Variants in KLHL9 observed in about 807,000 individuals in gnomAD.
KLHL9 encodes the protein kelch-like protein 9.
A neutral mutation model predicts 42.3 loss-of-function variants in KLHL9; 27 were observed. That is an observed-to-expected ratio of 0.64 (90% CI 0.47 to 0.88). The LOEUF (loss-of-function observed/expected upper bound fraction) is 0.88. Ranked by LOEUF, KLHL9 falls within the 40% of genes least tolerant of loss-of-function variation. The pLI, the probability that KLHL9 is intolerant of heterozygous loss-of-function variation, is 0.00. For missense variants in KLHL9, 629 were observed against 750.3 expected (o/e 0.84, Z 1.89); for synonymous variants, 274 against 254.4 (o/e 1.08, Z -0.73).
chr9:21,332,936 T>A lies in KLHL9; in HGVS notation c.*70A>T. Reference sequence around the variant, plus strand: ...TATCTAATAACTGTACCAATCACTGTAAGAAGATACAACTGAAGGGGAAGT... The same window carrying A: ...TATCTAATAACTGTACCAATCACTGAAAGAAGATACAACTGAAGGGGAAGT... On this transcript the variant is annotated 3_prime_UTR_variant, in exon 1 of 1. Coordinates refer to ENST00000359039, the MANE Select transcript of KLHL9 (RefSeq NM_018847.4). 1 of 1,607,320 alleles carries A rather than the reference T, an allele frequency of 6.2e-7. No individual in the cohort carries two copies. Among genetic ancestry groups the A allele is most frequent in the Non-Finnish European group, 8.5e-7 (1 of 1,176,026 alleles).
At position 21,332,966 on chromosome 9, in the gene KLHL9, G is replaced by A. The variant is rs370556194; in HGVS notation, c.*40C>T. 1.2e-6 allele frequency: 2 copies of A among 1,613,334 alleles called. No individual in the cohort carries two copies. The highest frequency in any genetic ancestry group is 1.7e-6 in the Non-Finnish European group (2 of 1,179,520). ...AGATACAACTGAAGGGGAAGTATTA[G>A]ATCACCCATGACGTACTGCAAAGGT... On this transcript the variant is annotated 3_prime_UTR_variant, in exon 1 of 1. Transcript: ENST00000359039.
rs1820197681 is a variant in KLHL9 at position 21,332,872 on chromosome 9, C to T, written c.*134G>A. 3.0e-6 allele frequency: 4 copies of T among 1,351,996 alleles called. No individual in the cohort carries two copies. Among genetic ancestry groups the T allele is most frequent in the South Asian group, 3.0e-5 (2 of 66,346 alleles). The allele number at this position is 1,351,996 out of a possible 1,614,324, so 83.7% of individuals were successfully genotyped here. ...ATTTGTTAGCCACTTGATAAACATA[C>T]TAAAAGCCATACAAGACGAATAACA... On this transcript the variant is annotated 3_prime_UTR_variant, in exon 1 of 1. Coordinates refer to ENST00000359039, the MANE Select transcript of KLHL9 (RefSeq NM_018847.4).
rs772759819 is a variant in KLHL9, at chr9:21,334,041, A to G, written c.819T>C (p.Ala273=). ...DNTCVNLLLE[A]SNYQMMPYMQ... is the part of the protein sequence containing the mutation. Reference sequence around the variant, plus strand: ...TATATGGCATCATTTGGTAATTGCTAGCTTCCAAAAGCAAATTCACGCAGG... The same window carrying G: ...TATATGGCATCATTTGGTAATTGCTGGCTTCCAAAAGCAAATTCACGCAGG... The change falls in exon 1 of 1, where the codon GCT becomes GCC. Residue 273 remains alanine, a synonymous_variant. Coordinates refer to ENST00000359039, the MANE Select transcript of KLHL9 (RefSeq NM_018847.4). The surrounding 1 kb of genome is among the most constrained non-coding windows in gnomAD (Gnocchi z 5.1). 6.2e-7 allele frequency: 1 copy of G among 1,614,236 alleles called. No homozygotes were observed. The highest frequency in any genetic ancestry group is 1.7e-5 in the Admixed American group (1 of 60,030).
Position 21,333,754 on chromosome 9 carries a change from A to T in KLHL9, c.1106T>A (p.Val369Asp). 1 of 1,614,134 alleles carries T rather than the reference A, an allele frequency of 6.2e-7. No individual in the cohort carries two copies. The highest frequency in any genetic ancestry group is 8.5e-7 in the Non-Finnish European group (1 of 1,180,020). ...ATTATACCGAGGATCAAATCTGAAA[A>T]CTGTATCAACAGCAGTTTTTCCTTT... ...DTKGKTAVDT[V>D]FRFDPRYNKW... is the part of the protein sequence containing the mutation. Residue 369 changes from valine to aspartate, a missense_variant, in exon 1 of 1, where the codon GTT becomes GAT. Physicochemically the swap from Val to Asp is radical, Grantham distance 152. Around this residue, in one of 4 missense-constraint regions of KLHL9, gnomAD observed 214 missense variants for 305.8 expected, o/e 0.70. Transcript: ENST00000359039. The surrounding 1 kb of genome is among the most constrained non-coding windows in gnomAD (Gnocchi z 7.5).
chr9:21,334,894 G>A lies in KLHL9; in HGVS notation c.-35C>T. The stretch of plus-strand genomic sequence containing the variant: ...TTCCTCTTGCACAGAGATGCAAGCC[G>A]GATAAAGAAGTTATAACCGGAATGT... On this transcript the variant is annotated 5_prime_UTR_variant, in exon 1 of 1. Coordinates refer to ENST00000359039, the MANE Select transcript of KLHL9 (RefSeq NM_018847.4). The surrounding 1 kb of genome is among the most constrained non-coding windows in gnomAD (Gnocchi z 5.1). 1 of 1,612,884 alleles carries A rather than the reference G, an allele frequency of 6.2e-7. No homozygotes were observed. Among genetic ancestry groups the A allele is most frequent in the Non-Finnish European group, 8.5e-7 (1 of 1,179,730 alleles).
In KLHL9 at chr9:21,334,804, C is replaced by A. The variant is rs536198157; in HGVS notation, c.56G>T (p.Cys19Phe). 1 of 1,613,352 alleles carries A rather than the reference C, an allele frequency of 6.2e-7. No individual in the cohort carries two copies. Among genetic ancestry groups the A allele is most frequent in the African/African-American group, 1.3e-5 (1 of 75,000 alleles). The part of the protein sequence containing the change: ...EMGVSAHLQP[C>F]KAGTTRFFTS... ...AAAAAAGCGTGTGGTTCCTGCCTTA[C>A]AAGGCTGCAAATGGGCAGAGACGCC... is the stretch of plus-strand genomic sequence containing the variant. The change falls in exon 1 of 1, where the codon TGT (cysteine) becomes TTT (phenylalanine). Residue 19 changes from cysteine (C) to phenylalanine (F), a missense_variant. Physicochemically the swap from Cys to Phe is radical, Grantham distance 205 (BLOSUM62 -2). Around this residue, in one of 4 missense-constraint regions of KLHL9, gnomAD observed 351 missense variants for 363.1 expected, o/e 0.97. Coordinates refer to ENST00000359039, the MANE Select transcript of KLHL9 (RefSeq NM_018847.4). This position sits in a 1 kb window ranked among gnomAD's most constrained non-coding sequence, Gnocchi z 5.1.
rs1820150390 is a variant in KLHL9, at chr9:21,330,529, G to A, written c.*2477C>T. ...AAAAATGAGAGGCAGGGTGGGTGAA[G>A]CTGGAGGTGGGGGATGTAGATAGAG... On this transcript the variant is annotated 3_prime_UTR_variant, in exon 1 of 1. Transcript: ENST00000359039. 1 of 152,240 alleles carries A rather than the reference G, an allele frequency of 6.6e-6. No homozygotes were observed. The highest frequency in any genetic ancestry group is 1.5e-5 in the Non-Finnish European group (1 of 68,090). 9.4% of individuals were successfully genotyped at this position (152,240 alleles called of 1,614,324 possible).
rs1820219746 is a variant in KLHL9, at chr9:21,333,972, G to C, written c.888C>G (p.Asp296Glu). 1.2e-6 allele frequency: 2 copies of C among 1,614,156 alleles called. No individual in the cohort carries two copies. The highest frequency in any genetic ancestry group is 1.7e-6 in the Non-Finnish European group (2 of 1,180,032). ...MQSDRTAIRS[D>E]STHLVTLGGV... The stretch of plus-strand genomic sequence containing the variant: ...CTCCTAATGTAACCAAGTGAGTGGA[G>C]TCAGATCGAATGGCAGTTCTATCTG... Residue 296 changes from aspartate to glutamate, a missense_variant, in exon 1 of 1, where the codon GAC (aspartate) becomes GAG (glutamate). Physicochemically the swap from Asp to Glu is conservative, Grantham distance 45. This residue lies in a region of KLHL9 where 351 missense variants were observed against 363.1 expected (regional missense o/e 0.97). Coordinates refer to ENST00000359039, the MANE Select transcript of KLHL9 (RefSeq NM_018847.4). This position sits in a 1 kb window ranked among gnomAD's most constrained non-coding sequence, Gnocchi z 7.5.
At position 21,331,494 on chromosome 9, in the gene KLHL9, T is replaced by TTG. The variant is rs10642262; in HGVS notation, c.*1510_*1511dup. ...CTGACAATCTTCCAGGTATAGGGGG[T>TTG]TGTGTGTGTGTATTACACACACACA... is the stretch of plus-strand genomic sequence containing the variant. On this transcript the variant is annotated 3_prime_UTR_variant, in exon 1 of 1. Transcript: ENST00000359039. 145,576 of 150,830 alleles carry TTG rather than the reference T, an allele frequency of 0.97. 70,244 individuals carry two copies. Among genetic ancestry groups the TTG allele is most frequent in the East Asian group, 1 (5,081 of 5,094 alleles). 9.3% of individuals were successfully genotyped at this position (150,830 alleles called of 1,614,324 possible).
Position 21,334,348 on chromosome 9 carries a change from T to A in KLHL9, c.512A>T (p.Lys171Ile). 1 of 1,613,626 alleles carries A rather than the reference T, an allele frequency of 6.2e-7. No individual in the cohort carries two copies. The highest frequency in any genetic ancestry group is 8.5e-7 in the Non-Finnish European group (1 of 1,179,700). ...CTTCAGGATGAAATTATTAACATAT[T>A]TATCCACTTCTATAAGATTGTAGGT... The part of the protein sequence containing the change: ...ANTYNLIEVD[K>I]YVNNFILKNF... Residue 171 changes from lysine (K) to isoleucine (I), a missense_variant, in exon 1 of 1, where the codon AAA becomes ATA. By Grantham distance (102) the Lys-to-Ile change is moderately radical. Coordinates refer to ENST00000359039, the MANE Select transcript of KLHL9 (RefSeq NM_018847.4). This position sits in a 1 kb window ranked among gnomAD's most constrained non-coding sequence, Gnocchi z 5.1.
chr9:21,333,342 T>A lies in KLHL9; in HGVS notation c.1518A>T (p.Thr506=). 6.2e-7 allele frequency: 1 copy of A among 1,614,230 alleles called. No individual in the cohort carries two copies. The highest frequency in any genetic ancestry group is 8.5e-7 in the Non-Finnish European group (1 of 1,180,042). ...YVIGGNHFRG[T]SDYDDVLSCE... is the part of the protein sequence containing the mutation. ...AGCTTAGAACATCATCATAATCACT[T>A]GTTCCTCTGAAGTGATTGCCACCAA... Residue 506 remains threonine, a synonymous_variant, in exon 1 of 1, where the codon ACA becomes ACT. Coordinates refer to ENST00000359039, the MANE Select transcript of KLHL9 (RefSeq NM_018847.4). The surrounding 1 kb of genome is among the most constrained non-coding windows in gnomAD (Gnocchi z 7.5).
Position 21,334,123 on chromosome 9 carries a change from G to A in KLHL9, c.737C>T (p.Thr246Ile), listed in dbSNP as rs372727183. 6.2e-7 allele frequency: 1 copy of A among 1,613,728 alleles called. No homozygotes were observed. Among genetic ancestry groups the A allele is most frequent in the African/African-American group, 1.3e-5 (1 of 74,926 alleles). Residue 246 changes from threonine to isoleucine, a missense_variant, in exon 1 of 1, where the codon ACA (threonine) becomes ATA (isoleucine). Around this residue, in one of 4 missense-constraint regions of KLHL9, gnomAD observed 351 missense variants for 363.1 expected, o/e 0.97. Transcript: ENST00000359039. The surrounding 1 kb of genome is among the most constrained non-coding windows in gnomAD (Gnocchi z 5.1). ...CACGTAATTGATGAGATCCTGTGGT[G>A]TCATCAGTGGAAATCGAATATTCTT... is the stretch of plus-strand genomic sequence containing the variant. ...LMKNIRFPLM[T>I]PQDLINYVQT...
rs773776055 is a variant in KLHL9, at chr9:21,333,020, A to C, written c.1840T>G (p.Ser614Ala). The C allele has an allele frequency of 6.2e-7, 1 of 1,614,154 alleles. No homozygotes were observed. The highest frequency in any genetic ancestry group is 8.5e-7 in the Non-Finnish European group (1 of 1,179,976). Residue 614 changes from serine (S) to alanine (A), a missense_variant, in exon 1 of 1, where the codon TCA becomes GCA. Ser to Ala is a moderately conservative substitution (Grantham distance 99). Transcript: ENST00000359039. The surrounding 1 kb of genome is among the most constrained non-coding windows in gnomAD (Gnocchi z 7.5). The part of the protein sequence containing the change: ...PSRESPLSAP[S>A]DHS The stretch of plus-strand genomic sequence containing the variant: ...ACACCTTAGACCTAAGAATGATCTG[A>C]AGGTGCTGAAAGAGGTGATTCTCTA...
In KLHL9 at chr9:21,331,535, T is replaced by C. The variant is rs1331914264; in HGVS notation, c.*1471A>G. 1 of 145,458 alleles carries C rather than the reference T, an allele frequency of 6.9e-6. No individual in the cohort carries two copies. The highest frequency in any genetic ancestry group is 1.5e-5 in the Non-Finnish European group (1 of 67,538). The allele number at this position is 145,458 out of a possible 1,614,324, so 9.0% of individuals were successfully genotyped here. ...CACACACACACAATGTATATATAAA[T>C]TTTTTTTCTTCAGGTAGACAATTAT... On this transcript the variant is annotated 3_prime_UTR_variant, in exon 1 of 1. Coordinates refer to ENST00000359039, the MANE Select transcript of KLHL9 (RefSeq NM_018847.4).
chr9:21,334,988 C>T lies in KLHL9; in HGVS notation c.-129G>A. ...CCTTATCAAGGGAAGGCAGTCACTGCGGCACCCCTCGGGCCACGCCAGTCA... is the reference window on the plus strand; with the variant it reads ...CCTTATCAAGGGAAGGCAGTCACTGTGGCACCCCTCGGGCCACGCCAGTCA... On this transcript the variant is annotated 5_prime_UTR_variant, in exon 1 of 1. Coordinates refer to ENST00000359039, the MANE Select transcript of KLHL9 (RefSeq NM_018847.4). This position sits in a 1 kb window ranked among gnomAD's most constrained non-coding sequence, Gnocchi z 5.1. 1.5e-6 allele frequency: 2 copies of T among 1,352,502 alleles called. No individual in the cohort carries two copies. Among genetic ancestry groups the T allele is most frequent in the Non-Finnish European group, 2.0e-6 (2 of 998,284 alleles). 83.8% of individuals were successfully genotyped at this position (1,352,502 alleles called of 1,614,324 possible). A position where few individuals can be genotyped will look rare whatever the true frequency, so the allele number is the denominator to read the frequency against.
At position 21,334,655 on chromosome 9, in the gene KLHL9, T is replaced by C. The variant is rs202108141; in HGVS notation, c.205A>G (p.Met69Val). The C allele has an allele frequency of 1.5e-5, 24 of 1,614,206 alleles. No homozygotes were observed. The highest frequency in any genetic ancestry group is 1.5e-5 in the Non-Finnish European group (18 of 1,180,028). Reference protein sequence around the residue: ...GDEIFPVHRAMMASASDYFKA... With the variant: ...GDEIFPVHRAVMASASDYFKA... Reference sequence around the variant, plus strand: ...AAATAATCACTAGCAGACGCCATCATAGCTCTGTGAACAGGGAAGATTTCA... The same window carrying C: ...AAATAATCACTAGCAGACGCCATCACAGCTCTGTGAACAGGGAAGATTTCA... The change falls in exon 1 of 1, where the codon ATG (methionine) becomes GTG (valine). Residue 69 changes from methionine (M) to valine (V), a missense_variant. Met to Val is a conservative substitution (Grantham distance 21). Transcript: ENST00000359039. The surrounding 1 kb of genome is among the most constrained non-coding windows in gnomAD (Gnocchi z 5.1).
Position 21,333,002 on chromosome 9 carries a change from A to G in KLHL9, c.*4T>C. ...ACGTACTGCAAAGGTGTTACACCTT[A>G]GACCTAAGAATGATCTGAAGGTGCT... On this transcript the variant is annotated 3_prime_UTR_variant, in exon 1 of 1. Transcript: ENST00000359039. The surrounding 1 kb of genome is among the most constrained non-coding windows in gnomAD (Gnocchi z 7.5). 1 of 1,613,532 alleles carries G rather than the reference A, an allele frequency of 6.2e-7. No homozygotes were observed. The highest frequency in any genetic ancestry group is 8.5e-7 in the Non-Finnish European group (1 of 1,179,386).
Position 21,332,979 on chromosome 9 carries a change from G to C in KLHL9, c.*27C>G, listed in dbSNP as rs373390426. 6 of 1,613,632 alleles carry C rather than the reference G, an allele frequency of 3.7e-6. No individual in the cohort carries two copies. In the Admixed American group the frequency reaches 5.0e-5, roughly 13 times the overall value. ...GGGGAAGTATTAGATCACCCATGACGTACTGCAAAGGTGTTACACCTTAGA... is the reference window on the plus strand; with the variant it reads ...GGGGAAGTATTAGATCACCCATGACCTACTGCAAAGGTGTTACACCTTAGA... On this transcript the variant is annotated 3_prime_UTR_variant, in exon 1 of 1. Transcript: ENST00000359039.
Position 21,334,235 on chromosome 9 carries a change from G to T in KLHL9, c.625C>A (p.His209Asn). The T allele has an allele frequency of 6.2e-7, 1 of 1,614,092 alleles. No homozygotes were observed. Among genetic ancestry groups the T allele is most frequent in the Non-Finnish European group, 8.5e-7 (1 of 1,179,980 alleles). The change falls in exon 1 of 1, where the codon CAC becomes AAC. Residue 209 changes from histidine to asparagine, a missense_variant. Coordinates refer to ENST00000359039, the MANE Select transcript of KLHL9 (RefSeq NM_018847.4). The surrounding 1 kb of genome is among the most constrained non-coding windows in gnomAD (Gnocchi z 5.1). ...AFVLSSNSLK[H>N]CTELELFKAA... Reference sequence around the variant, plus strand: ...TTAAAGAGTTCAAGTTCGGTACAGTGCTTAAGACTATTACTGGAAAGCACA... The same window carrying T: ...TTAAAGAGTTCAAGTTCGGTACAGTTCTTAAGACTATTACTGGAAAGCACA...
Sources: gnomAD v4.1 joint callset for allele counts on GRCh38, gnomAD v4.1.1 for gene constraint, gnomAD v4.1.1 regional missense constraint, Gnocchi (gnomAD v3.1) non-coding constraint, MANE v1.5 for transcripts, NCBI Gene and HGNC (gene_info 2026-07-23, HGNC 2026-07-21) for gene names.